ALDH1A2: variants seen among roughly 807,000 people sequenced by gnomAD.
ALDH1A2 encodes the protein retinal dehydrogenase 2.
A neutral mutation model predicts 60.3 loss-of-function variants in ALDH1A2; 27 were observed. That is an observed-to-expected ratio of 0.45 (90% CI 0.33 to 0.62). The LOEUF (loss-of-function observed/expected upper bound fraction) is 0.62, where lower values mean the gene tolerates loss of function less well. Ranked by LOEUF, ALDH1A2 falls within the 20% of genes least tolerant of loss-of-function variation. The pLI is 0.02. For missense variants in ALDH1A2, 581 were observed against 643.8 expected (o/e 0.90, Z 1.06); for synonymous variants, 289 against 232.4 (o/e 1.24, Z -2.21).
At chr15:57,974,077 G>C (rs1473354673) in intron 7 of ALDH1A2, among the ~76,000 whole-genome samples, 1 of 152,024 alleles carries the variant, frequency 6.6e-6, no homozygotes, top group Admixed American at 6.6e-5. Flanking sequence ...AGCTATAATA[G>C]TCAAAATAAT....
intron 7 of ALDH1A2, among the ~76,000 whole-genome samples, chr15:57,984,539 C>T (rs1392173084): frequency 3.9e-5 from 6 of 152,190 alleles, no homozygotes; most frequent in Non-Finnish European, 8.8e-5. Context: ...TCCATTCTCC[C>T]AGTCCTTTGC....
In ALDH1A2 at chr15:57,981,327, CAG is replaced by C. The variant is rs1555400463; in HGVS notation, c.798+11376_798+11377del. Among the ~76,000 whole-genome samples, 133 of 144,330 alleles carry C rather than the reference CAG, an allele frequency of 9.2e-4. 1 individual carries two copies. Among genetic ancestry groups the C allele is most frequent in the Middle Eastern group, 6.9e-3 (2 of 290 alleles). 94.7% of individuals were successfully genotyped at this position (144,330 alleles called of 152,430 possible). ...ACACACACACACACACACACACACA[CAG>C]ACACACACAAACACTGACTGGTAGC... is the stretch of plus-strand genomic sequence containing the variant. On this transcript the variant is annotated intron_variant, in intron 7 of 12. Transcript: ENST00000249750.
chr15:58,012,905 C>A (rs1390412679), intron 3 of ALDH1A2, among the ~76,000 whole-genome samples: 2 of 152,078 alleles, frequency 1.3e-5, no homozygotes, highest in Admixed American at 6.6e-5. Context: ...CAAGGAAACC[C>A]TAAATATTCA....
chr15:57,988,437 G>C (rs185501054), intron 7 of ALDH1A2, among the ~76,000 whole-genome samples: 1 of 152,250 alleles, frequency 6.6e-6, no homozygotes, highest in Admixed American at 6.5e-5. Flanking sequence ...CAAAATGGGG[G>C]ATTTTAGACC....
intron 1 of ALDH1A2, among the ~76,000 whole-genome samples, chr15:58,021,075 G>T (rs1258259404): frequency 6.6e-6 from 1 of 151,998 alleles, no homozygotes; most frequent in Non-Finnish European, 1.5e-5. Context: ...TCCAGTATTT[G>T]TCTCATTTAT....
chr15:58,007,814 A>G (rs1231186856), intron 4 of ALDH1A2, among the ~76,000 whole-genome samples: 3 of 151,878 alleles, frequency 2.0e-5, no homozygotes, highest in Non-Finnish European at 2.9e-5. Context: ...AAAAAAGCCA[A>G]GTATGCAGAG....
intron 7 of ALDH1A2, chr15:57,991,681 T>A (rs1894900372): frequency 6.6e-6 from 1 of 152,248 alleles, no homozygotes; most frequent in African/African-American, 2.4e-5. Flanking sequence ...AGTGATTATA[T>A]GTTGCAATAT....
chr15:57,980,401 C>A, intron 7 of ALDH1A2: 1 of 369,056 alleles, frequency 2.7e-6, no homozygotes, highest in Non-Finnish European at 5.4e-6. Flanking sequence ...CCAGCTGGTG[C>A]CACTTCTGCA....
At chr15:58,035,422 GTTTTCA>G (rs1217492097) in intron 1 of ALDH1A2, among the ~76,000 whole-genome samples, 1 of 150,228 alleles carries the variant, frequency 6.7e-6, no homozygotes, top group Non-Finnish European at 1.5e-5. Flanking sequence ...TGTCTTTATT[GTTTTCA>G]TTTTCAATTT....
chr15:58,056,782 A>G (rs1208180149), intron 1 of ALDH1A2, among the ~76,000 whole-genome samples: 3 of 152,162 alleles, frequency 2.0e-5, no homozygotes, highest in African/African-American at 7.2e-5. Context: ...ACATGAAACG[A>G]TGCTCAATCT....
At chr15:58,026,045 A>G (rs1190301359) in intron 1 of ALDH1A2, among the ~76,000 whole-genome samples, 1 of 152,172 alleles carries the variant, frequency 6.6e-6, no homozygotes, top group East Asian at 1.9e-4. Flanking sequence ...CATCCAAACC[A>G]TATCAAGGGA....
At position 57,958,926 on chromosome 15, in the gene ALDH1A2, T is replaced by C. The variant is rs540045236; in HGVS notation, c.1484+1844A>G. ...CTGCACTGAGAAGGTCCAATCACCA[T>C]AGGGCCTGGAAGACAAGTAGAGAGA... is the stretch of plus-strand genomic sequence containing the variant. On this transcript the variant is annotated intron_variant, in intron 12 of 12. Transcript: ENST00000249750. Among the ~76,000 whole-genome samples the C allele has an allele frequency of 2.0e-5, 3 of 152,280 alleles. 1 individual carries two copies. The highest frequency in any genetic ancestry group is 4.1e-4 in the South Asian group (2 of 4,822).
At position 58,043,753 on chromosome 15, in the gene ALDH1A2, T is replaced by C. The variant is rs971155755; in HGVS notation, c.117+21781A>G. On this transcript the variant is annotated intron_variant, in intron 1 of 12. Coordinates refer to ENST00000249750, the MANE Select transcript of ALDH1A2 (RefSeq NM_003888.4). ...CCAAAAAACGGTTTTTGTTTCCTGT[T>C]GTGAAATTATTCAGTACACCAAGAT... Among the ~76,000 whole-genome samples the C allele has an allele frequency of 5.3e-5, 8 of 152,110 alleles. No individual in the cohort carries two copies. In the East Asian group the frequency reaches 1.4e-3, roughly 26 times the overall value.
At chr15:58,017,499 T>C (rs1191898203) in intron 1 of ALDH1A2, among the ~76,000 whole-genome samples, 1 of 152,138 alleles carries the variant, frequency 6.6e-6, no homozygotes, top group Non-Finnish European at 1.5e-5. Flanking sequence ...TCATGAACCC[T>C]CAAATTTCTC....
rs541487572 is a variant in ALDH1A2, at chr15:57,972,078, C to T, written c.799-6251G>A. Among the ~76,000 whole-genome samples the T allele has an allele frequency of 2.6e-5, 4 of 152,200 alleles. No homozygotes were observed. The East Asian group carries it at 5.8e-4, about 22-fold the overall frequency. On this transcript the variant is annotated intron_variant, in intron 7 of 12. Transcript: ENST00000249750. The stretch of plus-strand genomic sequence containing the variant: ...TATTCTGTCTACTTGTTTTCACAAA[C>T]ATTATTTTATTTAATCTTCATGACA...
chr15:57,978,808 G>A (rs1302890717), intron 7 of ALDH1A2, among the ~76,000 whole-genome samples: 2 of 152,182 alleles, frequency 1.3e-5, no homozygotes, highest in African/African-American at 4.8e-5. Flanking sequence ...AGGCCAAGGT[G>A]CGTGGATTAC....
At chr15:57,985,237 T>G (rs1165456423) in intron 7 of ALDH1A2, among the ~76,000 whole-genome samples, 3 of 152,330 alleles carry the variant, frequency 2.0e-5, no homozygotes, top group Admixed American at 6.5e-5. Flanking sequence ...CACTAAGACT[T>G]TGTGTTCTCC....
chr15:58,061,626 A>C (rs904182698), intron 1 of ALDH1A2, among the ~76,000 whole-genome samples: 2 of 144,672 alleles, frequency 1.4e-5, no homozygotes, highest in Non-Finnish European at 3.1e-5. Flanking sequence ...AAAAAAAAAA[A>C]CGGAACAAAA....
intron 7 of ALDH1A2, among the ~76,000 whole-genome samples, chr15:57,983,995 T>C (rs1349345214): frequency 6.6e-6 from 1 of 152,266 alleles, no homozygotes. Context: ...ACAATGTGTC[T>C]ATGACCTAAG....
Sources: allele counts gnomAD v4.1 joint callset (sites outside exome capture counted in the v4.1 genomes callset), GRCh38; gene constraint gnomAD v4.1.1; transcripts MANE v1.5; gene names NCBI Gene and HGNC (gene_info 2026-07-23, HGNC 2026-07-21).